MGRN1: variants seen among roughly 807,000 people sequenced by gnomAD.
The protein encoded by MGRN1 is E3 ubiquitin-protein ligase MGRN1.
In MGRN1, 29 loss-of-function variants were observed where a neutral mutation model predicts 69.2. The ratio of observed to expected loss-of-function variants is 0.42; its 90% CI spans 0.31 to 0.57. The LOEUF (loss-of-function observed/expected upper bound fraction) is 0.57. Among genes scored for constraint, MGRN1 ranks in the 20% least tolerant of loss-of-function variants. MGRN1 has a pLI of 0.15. For synonymous variants in MGRN1, 470 were observed against 344.2 expected (o/e 1.37, Z -4.04); for missense variants, 998 against 796.2 (o/e 1.25, Z -3.05).
At chr16:4,635,125 C>T (rs1454804115) in intron 1 of MGRN1, 2 of 152,252 alleles carry the variant, frequency 1.3e-5, no homozygotes, top group African/African-American at 4.8e-5. Flanking sequence ...AAATCAGAGG[C>T]TGGGGGCTGG....
chr16:4,664,757 G>T lies in MGRN1; in HGVS notation c.610G>T (p.Val204Leu). ...RGVFPVVIQA[V>L]VDEGDVVEVT... ...CGTGTTTCCAGTAGTCATCCAGGCT[G>T]TGGTGGACGAAGGAGATGGTGAGTG... Residue 204 changes from valine (V) to leucine (L), a missense_variant, in exon 6 of 17, where the codon GTG becomes TTG. By Grantham distance (32) the Val-to-Leu change is conservative. Transcript: ENST00000262370. 6.2e-7 allele frequency: 1 copy of T among 1,614,248 alleles called. No individual in the cohort carries two copies. The highest frequency in any genetic ancestry group is 2.2e-5 in the East Asian group (1 of 44,884).
chr16:4,681,804 G>T (rs1318782351), intron 13 of MGRN1, 28 bp downstream of exon 13: 1 of 1,600,152 alleles, frequency 6.2e-7, no homozygotes, highest in Non-Finnish European at 8.5e-7. Flanking sequence ...CAGGTGCATG[G>T]CAGGGTGTGT....
intron 1 of MGRN1, among the ~76,000 whole-genome samples, chr16:4,630,640 G>T (rs969438169): frequency 6.6e-6 from 1 of 151,756 alleles, no homozygotes; most frequent in African/African-American, 2.4e-5. Flanking sequence ...GTAGAGACGG[G>T]GTTTTCACCA....
chr16:4,653,393 G>A (rs952537007), intron 4 of MGRN1, among the ~76,000 whole-genome samples: 2 of 152,208 alleles, frequency 1.3e-5, no homozygotes, highest in Non-Finnish European at 2.9e-5. Flanking sequence ...GCTTCATCAC[G>A]TAGGCAGGAT....
intron 5 of MGRN1, chr16:4,659,166 A>G (rs897880275): frequency 1.3e-5 from 2 of 151,848 alleles, no homozygotes; most frequent in African/African-American, 2.4e-5. Flanking sequence ...AAGGTAAAAA[A>G]AAAATAAAAA....
At chr16:4,660,916 G>T (rs2078664215) in intron 5 of MGRN1, among the ~76,000 whole-genome samples, 1 of 152,310 alleles carries the variant, frequency 6.6e-6, no homozygotes, top group Non-Finnish European at 1.5e-5. Context: ...TCAGACGGCT[G>T]GGAGCTGGAG....
At chr16:4,658,280 A>G (rs1223360729) in intron 5 of MGRN1, among the ~76,000 whole-genome samples, 7 of 151,520 alleles carry the variant, frequency 4.6e-5, no homozygotes, top group African/African-American at 1.5e-4. Context: ...TCATGCCTGT[A>G]ATCCCAGCAC....
intron 2 of MGRN1, 27 bp from the exon 3 acceptor site, chr16:4,651,936 C>T (rs751668430): frequency 1.9e-6 from 3 of 1,610,400 alleles, no homozygotes; most frequent in African/African-American, 1.3e-5. Flanking sequence ...GAGGGAGTCA[C>T]CTGGGGCCCT....
chr16:4,686,407 TCGTCCG>T (rs2079320185), intron 16 of MGRN1: 1 of 1,477,640 alleles, frequency 6.8e-7, no homozygotes, highest in Non-Finnish European at 8.9e-7. Flanking sequence ...TTTTGGGTCT[TCGTCCG>T]CATCCGCATC....
intron 16 of MGRN1, chr16:4,686,227 G>C: frequency 6.5e-7 from 1 of 1,539,694 alleles, no homozygotes; most frequent in Non-Finnish European, 8.7e-7. Flanking sequence ...TGCTAACCGA[G>C]CTTCCGTCTG....
chr16:4,649,454 C>G (rs776079619), intron 1 of MGRN1: 1 of 152,224 alleles, frequency 6.6e-6, no homozygotes, highest in Non-Finnish European at 1.5e-5. Flanking sequence ...CCTCTCCCCA[C>G]TCCTGGGGCC....
At chr16:4,677,242 G>C in intron 10 of MGRN1, 2 of 440,568 alleles carry the variant, frequency 4.5e-6, no homozygotes, top group South Asian at 9.2e-5. Flanking sequence ...CTCTATTTCT[G>C]TACAGGGGAG....
At chr16:4,666,262 G>A (rs1309047592) in intron 7 of MGRN1, among the ~76,000 whole-genome samples, 3 of 152,132 alleles carry the variant, frequency 2.0e-5, no homozygotes, top group African/African-American at 7.2e-5. Context: ...CCGAGTAGCT[G>A]GGACTATAGG....
At chr16:4,688,699 G>T in intron 16 of MGRN1, 97 bp from the exon 17 acceptor site, 1 of 1,459,824 alleles carries the variant, frequency 6.9e-7, no homozygotes, top group Non-Finnish European at 9.1e-7. Context: ...GGGGGTGCTG[G>T]ATGGCCCAGC....
At chr16:4,650,566 C>A in intron 2 of MGRN1, 83 bp downstream of exon 2, 1 of 1,109,124 alleles carries the variant, frequency 9.0e-7, no homozygotes, top group Non-Finnish European at 1.3e-6. Flanking sequence ...GCCATGAGGG[C>A]AAGCAGGCAC....
rs61267637 is a variant in MGRN1 at position 4,652,933 on chromosome 16, G to C, written c.443+109G>C. On this transcript the variant is annotated intron_variant, in intron 4 of 16. Coordinates refer to ENST00000262370, the MANE Select transcript of MGRN1 (RefSeq NM_015246.4). ...GGGAGAAAACCAAACCGTGCTCTTT[G>C]ACCATACTCCCAGGACTTTACCACG... is the stretch of plus-strand genomic sequence containing the variant. 8.6e-3 allele frequency: 11,614 copies of C among 1,357,990 alleles called. 813 individuals are homozygous for C. In the African/African-American group the frequency reaches 0.15, roughly 17 times the overall value. The allele number at this position is 1,357,990 out of a possible 1,614,324, so 84.1% of individuals were successfully genotyped here. A position where few individuals can be genotyped will look rare whatever the true frequency, so the allele number is the denominator to read the frequency against.
At chr16:4,659,553 T>C (rs1051020502) in intron 5 of MGRN1, among the ~76,000 whole-genome samples, 1 of 152,216 alleles carries the variant, frequency 6.6e-6, no homozygotes, top group Non-Finnish European at 1.5e-5. Flanking sequence ...TCCTTACCTC[T>C]GTCCCGGACT....
chr16:4,653,574 C>T (rs910136566), intron 4 of MGRN1, among the ~76,000 whole-genome samples: 4 of 152,282 alleles, frequency 2.6e-5, no homozygotes, highest in South Asian at 2.1e-4. Context: ...CTGCAACCTC[C>T]GCCTCCCGAG....
rs948647744 is a variant in MGRN1 at position 4,682,961 on chromosome 16, G to T, written c.1482+15G>T. 3.9e-6 allele frequency: 6 copies of T among 1,542,220 alleles called. No individual in the cohort carries two copies. Among genetic ancestry groups the T allele is most frequent in the Non-Finnish European group, 5.3e-6 (6 of 1,141,050 alleles). On this transcript the variant is annotated intron_variant, in intron 14 of 16. Transcript: ENST00000262370. ...GCTCCCCTGAGGTGAGGCCCCCCCG[G>T]GGAAGCTTTGCGCACCCGCCCGGGC...
Sources: gnomAD v4.1 joint callset for allele counts (sites outside exome capture counted in the v4.1 genomes callset) on GRCh38, gnomAD v4.1.1 for gene constraint, MANE v1.5 for transcripts, NCBI Gene and HGNC (gene_info 2026-07-23, HGNC 2026-07-21) for gene names.